The following MEIS2 variants were observed in gnomAD, a reference collection of about 807,000 sequenced individuals.
The protein encoded by MEIS2 is Meis homeobox 2, also known as homeobox protein Meis2.
In MEIS2, 9 loss-of-function variants were observed where a neutral mutation model predicts 58.6. That is an observed-to-expected ratio of 0.15 (90% CI 0.09 to 0.27). MEIS2 has a LOEUF of 0.27. Among genes scored for constraint, MEIS2 ranks in the 10% least tolerant of loss-of-function variants. MEIS2 has a pLI of 1.00. For missense variants in MEIS2, 427 were observed against 635.0 expected, an observed-to-expected ratio of 0.67 and a Z score of 3.52; for synonymous variants, 221 against 228.4, an observed-to-expected ratio of 0.97 and a Z score of 0.29.
intron 8 of MEIS2, among the ~76,000 whole-genome samples, chr15:36,954,785 G>T (rs2058895412): frequency 6.6e-6 from 1 of 152,200 alleles, no homozygotes; most frequent in African/African-American, 2.4e-5. Context: ...CAAGTAACTT[G>T]TTGGGTAGAG....
chr15:37,094,516 T>C lies in MEIS2; in HGVS notation c.489+11A>G. The C allele has an allele frequency of 1.2e-6, 2 of 1,612,546 alleles. No homozygotes were observed. Among genetic ancestry groups the C allele is most frequent in the South Asian group, 1.1e-5 (1 of 90,808 alleles). On this transcript the variant is annotated intron_variant, in intron 5 of 11. Transcript: ENST00000561208. Reference sequence around the variant, plus strand: ...GTTTAATCAACACGGGGAGCGTTATTTCCTGCTTACCTTTTCTAACTCCAA... The same window carrying C: ...GTTTAATCAACACGGGGAGCGTTATCTCCTGCTTACCTTTTCTAACTCCAA...
Position 36,891,922 on chromosome 15 carries a change from C to G in MEIS2, c.*251G>C. The G allele has an allele frequency of 1.8e-6, 1 of 546,036 alleles. No individual in the cohort carries two copies. Among genetic ancestry groups the G allele is most frequent in the South Asian group, 2.3e-5 (1 of 42,938 alleles). 33.8% of individuals were successfully genotyped at this position (546,036 alleles called of 1,614,324 possible). A position where few individuals can be genotyped will look rare whatever the true frequency, so the allele number is the denominator to read the frequency against. ...GTTTAACTTAGTTCCTATATTTATA[C>G]TACAGTAGTTATAACTCTCGGAGTC... On this transcript the variant is annotated 3_prime_UTR_variant, in exon 12 of 12. Transcript: ENST00000561208.
At chr15:36,977,463 C>T (rs1466899571) in intron 8 of MEIS2, among the ~76,000 whole-genome samples, 2 of 152,076 alleles carry the variant, frequency 1.3e-5, no homozygotes, top group East Asian at 1.9e-4. Context: ...GTTCAAGCTC[C>T]CAGTTGAATT....
intron 5 of MEIS2, among the ~76,000 whole-genome samples, 188 bp downstream of exon 5, chr15:37,094,339 A>G (rs1893929787): frequency 6.6e-6 from 1 of 152,134 alleles, no homozygotes; most frequent in African/African-American, 2.4e-5. Flanking sequence ...CTTTAAAGGC[A>G]AGGCTGTCCT....
chr15:36,975,473 T>TG (rs1555439788), intron 8 of MEIS2, among the ~76,000 whole-genome samples: 28 of 129,530 alleles, frequency 2.2e-4, no homozygotes, highest in Admixed American at 1.9e-3. Context: ...ATAAGGGTTT[T>TG]TTTTTTTTTT....
In MEIS2 at chr15:36,977,711, C is replaced by A. The variant is rs567382739; in HGVS notation, c.901-27311G>T. ...CAACAGCTGACACAGAAAGCAGGAG[C>A]CTTTTATTTACAGAACTCCCTATCT... On this transcript the variant is annotated intron_variant, in intron 8 of 11. Coordinates refer to ENST00000561208, the MANE Select transcript of MEIS2 (RefSeq NM_170675.5). 1.9e-3 allele frequency among the ~76,000 whole-genome samples: 291 copies of A among 152,242 alleles called. 2 individuals carry two copies. The highest frequency in any genetic ancestry group is 0.018 in the South Asian group (86 of 4,824).
At chr15:36,902,109 T>C (rs997615237) in intron 9 of MEIS2, among the ~76,000 whole-genome samples, 6 of 152,186 alleles carry the variant, frequency 3.9e-5, no homozygotes, top group African/African-American at 1.2e-4. Context: ...GAGGGAGATT[T>C]TGTATGCAAG....
At chr15:36,941,859 T>C (rs559517192) in intron 9 of MEIS2, among the ~76,000 whole-genome samples, 8 of 152,288 alleles carry the variant, frequency 5.3e-5, no homozygotes, top group African/African-American at 1.7e-4. Flanking sequence ...GGTTTTGAAG[T>C]AGATTTGAAT....
At position 36,970,254 on chromosome 15, in the gene MEIS2, A is replaced by G. The variant is rs943272569; in HGVS notation, c.901-19854T>C. ...CCGTCTCTACTAAAAATACAAAAAA[A>G]TTAGCCAGGCGTGGTGGCGGGCGCC... is the stretch of plus-strand genomic sequence containing the variant. On this transcript the variant is annotated intron_variant, in intron 8 of 11. Coordinates refer to ENST00000561208, the MANE Select transcript of MEIS2 (RefSeq NM_170675.5). 3.9e-5 allele frequency among the ~76,000 whole-genome samples: 6 copies of G among 152,030 alleles called. No individual in the cohort carries two copies. In the East Asian group the frequency reaches 7.8e-4, roughly 20 times the overall value.
intron 7 of MEIS2, among the ~76,000 whole-genome samples, chr15:37,078,975 G>T (rs985289410): frequency 2.0e-5 from 3 of 152,070 alleles, no homozygotes; most frequent in Non-Finnish European, 4.4e-5. Flanking sequence ...GCATTTATGG[G>T]CACCATTACA....
At chr15:37,070,800 C>T (rs1267991583) in intron 7 of MEIS2, among the ~76,000 whole-genome samples, 1 of 152,016 alleles carries the variant, frequency 6.6e-6, no homozygotes, top group East Asian at 1.9e-4. Context: ...AATGGTGTCA[C>T]ATACATGGGA....
chr15:37,097,571 A>G (rs1240028241), intron 2 of MEIS2, among the ~76,000 whole-genome samples: 1 of 152,178 alleles, frequency 6.6e-6, no homozygotes, highest in Non-Finnish European at 1.5e-5. Context: ...AAAGTAAAAA[A>G]TAAAAAAACC....
intron 8 of MEIS2, among the ~76,000 whole-genome samples, chr15:37,011,914 G>A (rs1240779176): frequency 1.3e-5 from 2 of 152,040 alleles, no homozygotes; most frequent in African/African-American, 4.8e-5. Flanking sequence ...CACTGCGCCC[G>A]GTGGTGGTTT....
At chr15:37,063,971 G>T (rs1889586290) in intron 7 of MEIS2, among the ~76,000 whole-genome samples, 1 of 152,150 alleles carries the variant, frequency 6.6e-6, no homozygotes, top group African/African-American at 2.4e-5. Flanking sequence ...AACTGGTCAA[G>T]ATTTGAAACA....
At chr15:37,074,791 T>A (rs1053494713) in intron 7 of MEIS2, among the ~76,000 whole-genome samples, 1 of 152,038 alleles carries the variant, frequency 6.6e-6, no homozygotes. Flanking sequence ...TTGGAACTCA[T>A]GTCTCTCTGT....
Position 36,981,555 on chromosome 15 carries a change from G to C in MEIS2, c.901-31155C>G, listed in dbSNP as rs1278418008. 3.3e-5 allele frequency among the ~76,000 whole-genome samples: 5 copies of C among 152,014 alleles called. No homozygotes were observed. In the South Asian group the frequency reaches 1.0e-3, roughly 32 times the overall value. ...AGGTATTATTTAAGGTATACAGTGTGAGGCTTTGATATGTGAGTGGGCGTG... is the reference window on the plus strand; with the variant it reads ...AGGTATTATTTAAGGTATACAGTGTCAGGCTTTGATATGTGAGTGGGCGTG... On this transcript the variant is annotated intron_variant, in intron 8 of 11. Transcript: ENST00000561208.
At chr15:36,904,721 T>C (rs1464602811) in intron 9 of MEIS2, among the ~76,000 whole-genome samples, 6 of 151,996 alleles carry the variant, frequency 3.9e-5, no homozygotes, top group Admixed American at 3.9e-4. Context: ...GAGAGCTGGG[T>C]AAACGTCCAG....
chr15:36,958,040 G>A (rs1719949227), intron 8 of MEIS2, among the ~76,000 whole-genome samples: 1 of 152,160 alleles, frequency 6.6e-6, no homozygotes, highest in African/African-American at 2.4e-5. Context: ...GGGAGGAGGG[G>A]AAAGTGACCA....
At chr15:36,936,114 G>A (rs988029462) in intron 9 of MEIS2, among the ~76,000 whole-genome samples, 3 of 151,912 alleles carry the variant, frequency 2.0e-5, no homozygotes, top group African/African-American at 4.8e-5. Flanking sequence ...CTATGTACCA[G>A]GCACTATGGC....
Sources: allele counts gnomAD v4.1 joint callset (sites outside exome capture counted in the v4.1 genomes callset), GRCh38; gene constraint gnomAD v4.1.1; transcripts MANE v1.5; gene names NCBI Gene and HGNC (gene_info 2026-07-23, HGNC 2026-07-21).